Variants in DOCK3 observed in about 807,000 individuals in gnomAD.
DOCK3 encodes the protein dedicator of cytokinesis protein 3.
Under a neutral mutation model 265.6 loss-of-function variants are expected in DOCK3, and 60 were observed. The ratio of observed to expected loss-of-function variants is 0.23; its 90% CI spans 0.18 to 0.28. The LOEUF (loss-of-function observed/expected upper bound fraction) is 0.28, where lower values mean the gene tolerates loss of function less well. Ranked by LOEUF, DOCK3 falls within the 10% of genes least tolerant of loss-of-function variation. DOCK3 has a pLI of 1.00. For missense variants in DOCK3, 1,981 were observed against 2,594.3 expected (o/e 0.76, Z 5.14); for synonymous variants, 881 against 938.0 (o/e 0.94, Z 1.11).
intron 4 of DOCK3, chr3:50,900,635 T>G: frequency 9.1e-6 from 4 of 441,400 alleles, no homozygotes; most frequent in South Asian, 3.2e-5. Flanking sequence ...GTCTTTGATG[T>G]TGGTGACCTT....
intron 15 of DOCK3, 68 bp from the exon 16 acceptor site, chr3:51,227,215 C>T: frequency 6.4e-7 from 1 of 1,569,136 alleles, no homozygotes; most frequent in Non-Finnish European, 8.7e-7. Context: ...AGAAAAGTGT[C>T]CTAGTGACAC....
chr3:51,312,624 G>A (rs1278927462), intron 30 of DOCK3, 48 bp downstream of exon 30: 2 of 1,498,604 alleles, frequency 1.3e-6, no homozygotes, highest in Non-Finnish European at 1.8e-6. Context: ...GGCCAAATAG[G>A]GCTATGTTTC....
chr3:51,141,197 T>C (rs968174779), intron 9 of DOCK3, among the ~76,000 whole-genome samples: 1 of 151,720 alleles, frequency 6.6e-6, no homozygotes, highest in African/African-American at 2.4e-5. Flanking sequence ...TCTTTCTTTT[T>C]TTTTTTTTTA....
intron 1 of DOCK3, among the ~76,000 whole-genome samples, chr3:50,704,487 ATTATATAAGTAT>A (rs569880752): frequency 3.3e-5 from 5 of 152,134 alleles, no homozygotes; most frequent in Non-Finnish European, 5.9e-5. Context: ...TTATAGTCTC[ATTATATAAGTAT>A]AAAGTAACCA....
chr3:50,881,747 C>T (rs1378273795), intron 3 of DOCK3, among the ~76,000 whole-genome samples: 1 of 152,120 alleles, frequency 6.6e-6, no homozygotes, highest in African/African-American at 2.4e-5. Context: ...CCTTTCTTCA[C>T]AGAATTGGAA....
intron 4 of DOCK3, among the ~76,000 whole-genome samples, chr3:50,907,322 C>T (rs956038579): frequency 3.9e-5 from 6 of 152,012 alleles, no homozygotes; most frequent in Admixed American, 6.6e-5. Context: ...AACTTTCTGT[C>T]TCGTTGATCT....
intron 2 of DOCK3, among the ~76,000 whole-genome samples, chr3:50,809,360 A>G (rs1419750953): frequency 6.6e-6 from 1 of 152,226 alleles, no homozygotes; most frequent in Non-Finnish European, 1.5e-5. Flanking sequence ...GCACGTTTAA[A>G]CTGTAGTGAG....
intron 12 of DOCK3, among the ~76,000 whole-genome samples, chr3:51,171,775 G>A (rs573572034): frequency 2.6e-5 from 4 of 151,454 alleles, no homozygotes; most frequent in Non-Finnish European, 5.9e-5. Flanking sequence ...GCTGTATCCC[G>A]GAAAATGTTG....
At chr3:50,736,521 T>C (rs1289137897) in intron 1 of DOCK3, among the ~76,000 whole-genome samples, 2 of 152,110 alleles carry the variant, frequency 1.3e-5, no homozygotes, top group Non-Finnish European at 2.9e-5. Flanking sequence ...CCACCAATAG[T>C]GTAAAAGTGT....
chr3:50,930,688 G>T (rs2051015332), intron 4 of DOCK3, among the ~76,000 whole-genome samples: 1 of 152,238 alleles, frequency 6.6e-6, no homozygotes, highest in Non-Finnish European at 1.5e-5. Context: ...GCACCTCTGG[G>T]AGTGGATCAC....
chr3:51,205,806 A>C (rs2089172990), intron 12 of DOCK3, among the ~76,000 whole-genome samples: 1 of 152,230 alleles, frequency 6.6e-6, no homozygotes, highest in African/African-American at 2.4e-5. Flanking sequence ...TGGTAATTGA[A>C]GGTAAATTGA....
At chr3:50,947,485 G>A (rs1050852854) in intron 5 of DOCK3, among the ~76,000 whole-genome samples, 21 of 152,096 alleles carry the variant, frequency 1.4e-4, no homozygotes, top group African/African-American at 5.1e-4. Flanking sequence ...TCATCATTGA[G>A]GAATTGCGTT....
rs780390174 is a variant in DOCK3 at position 51,341,331 on chromosome 3, G to T, written c.3861G>T (p.Trp1287Cys). The change falls in exon 38 of 53, where the codon TGG (tryptophan) becomes TGT (cysteine). Residue 1287 changes from tryptophan to cysteine, a missense_variant. Around this residue, in one of 4 missense-constraint regions of DOCK3, gnomAD observed 1,357 missense variants for 1,866.8 expected, o/e 0.73. Coordinates refer to ENST00000266037, the MANE Select transcript of DOCK3 (RefSeq NM_004947.5). Reference sequence around the variant, plus strand: ...TCCACTACCCATCGCAGACAGAGTGGCAGCGGAAGGAGGGACTGTGCCGGA... The same window carrying T: ...TCCACTACCCATCGCAGACAGAGTGTCAGCGGAAGGAGGGACTGTGCCGGA... ...EFLHYPSQTEWQRKEGLCRKI... is the reference protein window; with the variant it reads ...EFLHYPSQTECQRKEGLCRKI... 166 of 1,613,684 alleles carry T rather than the reference G, an allele frequency of 1.0e-4. No individual in the cohort carries two copies. The highest frequency in any genetic ancestry group is 1.4e-4 in the Non-Finnish European group (160 of 1,179,800).
At chr3:51,104,261 A>G (rs918165568) in intron 9 of DOCK3, among the ~76,000 whole-genome samples, 1 of 152,246 alleles carries the variant, frequency 6.6e-6, no homozygotes, top group Non-Finnish European at 1.5e-5. Context: ...GAACAAGGAC[A>G]TAGGACAAAG....
In DOCK3 at chr3:51,312,535, A is replaced by G; in HGVS notation, c.3153A>G (p.Leu1051=). The G allele has an allele frequency of 1.2e-6, 2 of 1,600,442 alleles. No homozygotes were observed. The highest frequency in any genetic ancestry group is 1.7e-6 in the Non-Finnish European group (2 of 1,176,944). The part of the protein sequence containing the change: ...VLFINQPSLQ[L]EIITSAKRKK... ...TCATAAATCAGCCAAGCCTTCAGCT[A>G]GAAATTATCACCTCAGCCAAAAGGA... The change falls in exon 30 of 53, where the codon CTA becomes CTG. Residue 1051 remains leucine, a synonymous_variant. Transcript: ENST00000266037.
intron 5 of DOCK3, among the ~76,000 whole-genome samples, chr3:50,943,869 TAGGCTC>T (rs2076361609): frequency 6.6e-6 from 1 of 152,162 alleles, no homozygotes; most frequent in South Asian, 2.1e-4. Context: ...ACTTCTATGA[TAGGCTC>T]ATTATTAGGT....
Position 50,918,446 on chromosome 3 carries a change from G to A in DOCK3, c.219-15535G>A, listed in dbSNP as rs983777401. ...GTTGTTAACTGACTTTTTAATGATCGCCATTTTAACTGGTGTGAGATAGTA... is the reference window on the plus strand; with the variant it reads ...GTTGTTAACTGACTTTTTAATGATCACCATTTTAACTGGTGTGAGATAGTA... On this transcript the variant is annotated intron_variant, in intron 4 of 52. Transcript: ENST00000266037. 4.6e-5 allele frequency among the ~76,000 whole-genome samples: 7 copies of A among 152,146 alleles called. No individual in the cohort carries two copies. In the East Asian group the frequency reaches 5.8e-4, roughly 13 times the overall value.
chr3:51,356,175 T>C lies in DOCK3; in HGVS notation c.4336T>C (p.Tyr1446His), dbSNP rs567846490. Residue 1446 changes from tyrosine to histidine, a missense_variant, in exon 42 of 53, where the codon TAT (tyrosine) becomes CAT (histidine). Tyr to His is a moderately conservative substitution (Grantham distance 83). Coordinates refer to ENST00000266037, the MANE Select transcript of DOCK3 (RefSeq NM_004947.5). The stretch of plus-strand genomic sequence containing the variant: ...GGTACCAGATCGAGTCAAGAGCTTC[T>C]ATCGCGTCAACAATGTGAGGAAGTT... ...DRVPDRVKSF[Y>H]RVNNVRKFRY... 2 of 1,614,018 alleles carry C rather than the reference T, an allele frequency of 1.2e-6. No individual in the cohort carries two copies. The highest frequency in any genetic ancestry group is 4.5e-5 in the East Asian group (2 of 44,880).
intron 5 of DOCK3, among the ~76,000 whole-genome samples, chr3:50,971,569 G>A (rs2077234369): frequency 6.6e-6 from 1 of 152,148 alleles, no homozygotes; most frequent in South Asian, 2.1e-4. Flanking sequence ...CTTGTTTCCT[G>A]GTGCTGTGCA....
Sources: gnomAD v4.1 joint callset for allele counts (sites outside exome capture counted in the v4.1 genomes callset) on GRCh38, gnomAD v4.1.1 for gene constraint, gnomAD v4.1.1 regional missense constraint, MANE v1.5 for transcripts, NCBI Gene and HGNC (gene_info 2026-07-23, HGNC 2026-07-21) for gene names.